The following BMERB1 variants were observed in gnomAD, a reference collection of about 807,000 sequenced individuals.
BMERB1 encodes bMERB domain containing 1.
In BMERB1, 12 loss-of-function variants were observed where a neutral mutation model predicts 23.6. The ratio of observed to expected loss-of-function variants is 0.51; its 90% CI spans 0.33 to 0.82. The LOEUF (loss-of-function observed/expected upper bound fraction) is 0.82, where lower values mean the gene tolerates loss of function less well. Among genes scored for constraint, BMERB1 ranks in the 40% least tolerant of loss-of-function variants. The pLI, the probability that BMERB1 is intolerant of heterozygous loss-of-function variation, is 0.03. For missense variants in BMERB1, 247 were observed against 255.4 expected (o/e 0.97, Z 0.22); for synonymous variants, 122 against 96.6 (o/e 1.26, Z -1.54).
At chr16:15,570,533 A>C (rs2030697430) in intron 3 of BMERB1, among the ~76,000 whole-genome samples, 1 of 152,046 alleles carries the variant, frequency 6.6e-6, no homozygotes, top group Admixed American at 6.5e-5. Context: ...CCATTAGCAC[A>C]ACGTACCTCT....
chr16:15,531,230 T>G (rs1311110629), intron 2 of BMERB1, among the ~76,000 whole-genome samples: 3 of 152,078 alleles, frequency 2.0e-5, no homozygotes, highest in Non-Finnish European at 4.4e-5. Flanking sequence ...CTTTACAAGT[T>G]ACTCCTTCTC....
At chr16:15,493,741 A>G (rs2051445365) in intron 1 of BMERB1, among the ~76,000 whole-genome samples, 1 of 149,346 alleles carries the variant, frequency 6.7e-6, no homozygotes, top group Non-Finnish European at 1.5e-5. Flanking sequence ...ATCCCACCCT[A>G]TTTCTTGGGC....
chr16:15,493,723 G>A (rs1271944175), intron 1 of BMERB1, among the ~76,000 whole-genome samples: 2 of 137,266 alleles, frequency 1.5e-5, no homozygotes, highest in Non-Finnish European at 3.2e-5. Flanking sequence ...TCATTCAGAT[G>A]AGGATATATC....
chr16:15,565,192 A>G (rs1055278044), intron 2 of BMERB1, among the ~76,000 whole-genome samples: 3 of 152,182 alleles, frequency 2.0e-5, no homozygotes, highest in African/African-American at 7.2e-5. Flanking sequence ...ACGCTGAGGA[A>G]CGAGGCAGAA....
intron 2 of BMERB1, among the ~76,000 whole-genome samples, chr16:15,538,770 C>T (rs372327392): frequency 9.2e-5 from 14 of 152,300 alleles, no homozygotes; most frequent in African/African-American, 3.4e-4. Context: ...TCTTTGGTCT[C>T]ATTTAGAGCC....
chr16:15,516,348 G>A (rs2051755270), intron 2 of BMERB1, among the ~76,000 whole-genome samples: 1 of 151,946 alleles, frequency 6.6e-6, no homozygotes, highest in African/African-American at 2.4e-5. Flanking sequence ...TTAGCCCAGG[G>A]GTTCAAGACT....
rs557378901 is a variant in BMERB1 at position 15,558,470 on chromosome 16, T to C, written c.231-9513T>C. On this transcript the variant is annotated intron_variant, in intron 2 of 5. Coordinates refer to ENST00000300006, the MANE Select transcript of BMERB1 (RefSeq NM_033201.3). Reference sequence around the variant, plus strand: ...TGTTTAGAAAATGGCAGCATTAGCATGATCTCGGGGAGTTTTGGGCCCTCT... The same window carrying C: ...TGTTTAGAAAATGGCAGCATTAGCACGATCTCGGGGAGTTTTGGGCCCTCT... 2.6e-5 allele frequency among the ~76,000 whole-genome samples: 4 copies of C among 152,172 alleles called. No homozygotes were observed. In the South Asian group the frequency reaches 8.3e-4, roughly 32 times the overall value.
At chr16:15,506,758 G>C (rs1010343858) in intron 1 of BMERB1, among the ~76,000 whole-genome samples, 1 of 151,496 alleles carries the variant, frequency 6.6e-6, no homozygotes, top group Non-Finnish European at 1.5e-5. Flanking sequence ...TTTCTTCCTT[G>C]CTACCTCTAA....
chr16:15,574,635 A>G (rs1396348292), intron 3 of BMERB1, among the ~76,000 whole-genome samples: 1 of 152,050 alleles, frequency 6.6e-6, no homozygotes, highest in Non-Finnish European at 1.5e-5. Context: ...CAGAAGTTAC[A>G]GGCAAAATTG....
intron 1 of BMERB1, among the ~76,000 whole-genome samples, chr16:15,475,368 T>TG (rs1181157713): frequency 6.6e-6 from 1 of 152,304 alleles, no homozygotes; most frequent in East Asian, 1.9e-4. Flanking sequence ...GCTGCGAGTT[T>TG]GGGGGTCCCC....
chr16:15,586,745 C>T lies in BMERB1; in HGVS notation c.531C>T (p.Pro177=). ...ASSRAEKKAE[P]PPSKPTVAKT... Reference sequence around the variant, plus strand: ...CCCGGGCAGAGAAGAAAGCAGAGCCCCCACCTAGCAAGCCCACGGTGGCCA... The same window carrying T: ...CCCGGGCAGAGAAGAAAGCAGAGCCTCCACCTAGCAAGCCCACGGTGGCCA... The change falls in exon 6 of 6, where the codon CCC becomes CCT. Residue 177 remains proline (P), a synonymous_variant. Transcript: ENST00000300006. 6.2e-7 allele frequency: 1 copy of T among 1,611,936 alleles called. No homozygotes were observed. The highest frequency in any genetic ancestry group is 1.1e-5 in the South Asian group (1 of 90,358).
At chr16:15,451,683 TGAG>T (rs2051043360) in intron 1 of BMERB1, among the ~76,000 whole-genome samples, 1 of 149,506 alleles carries the variant, frequency 6.7e-6, no homozygotes, top group South Asian at 2.1e-4. Flanking sequence ...CTCAGTCTCC[TGAG>T]AAGCTGGGAC....
At chr16:15,529,897 A>G (rs74546709) in intron 2 of BMERB1, among the ~76,000 whole-genome samples, 4,435 of 152,270 alleles carry the variant, frequency 0.029, 204 homozygotes, top group South Asian at 0.11. Context: ...GTGTTAAAAC[A>G]ACACACATTT....
chr16:15,518,154 CTT>C (rs2150953668), intron 2 of BMERB1, among the ~76,000 whole-genome samples: 1 of 152,268 alleles, frequency 6.6e-6, no homozygotes, highest in South Asian at 2.1e-4. Context: ...GCAGTAAGCT[CTT>C]GACTTGTGAT....
intron 3 of BMERB1, 101 bp downstream of exon 3, chr16:15,568,157 C>G: frequency 3.3e-6 from 3 of 920,060 alleles, no homozygotes; most frequent in South Asian, 3.0e-5. Context: ...CTCATTCTTG[C>G]AATGCAGTGC....
chr16:15,508,420 A>G (rs1386505256), intron 1 of BMERB1, among the ~76,000 whole-genome samples: 1 of 133,204 alleles, frequency 7.5e-6, no homozygotes, highest in Non-Finnish European at 1.6e-5. Flanking sequence ...GCCATAAATG[A>G]CATGTAAATG....
chr16:15,463,270 T>TATATATATATATATATATATA (rs2051152108), intron 1 of BMERB1, among the ~76,000 whole-genome samples: 3 of 151,552 alleles, frequency 2.0e-5, no homozygotes, highest in Admixed American at 6.6e-5. Context: ...TATATATATA[T>TATATATATATATATATATATA]TTTGTAGAGG....
chr16:15,587,479 G>C lies in BMERB1; in HGVS notation c.*650G>C, dbSNP rs886939719. The C allele has an allele frequency of 4.8e-6, 2 of 420,028 alleles. No homozygotes were observed. The highest frequency in any genetic ancestry group is 2.0e-5 in the African/African-American group (1 of 48,916). 26.0% of individuals were successfully genotyped at this position (420,028 alleles called of 1,614,324 possible). On this transcript the variant is annotated 3_prime_UTR_variant, in exon 6 of 6. Coordinates refer to ENST00000300006, the MANE Select transcript of BMERB1 (RefSeq NM_033201.3). ...TGGGCACAGTTCACATCAGGACAGCGTCCATTGTGCTCTCAGTCTGCCTCA... is the reference window on the plus strand; with the variant it reads ...TGGGCACAGTTCACATCAGGACAGCCTCCATTGTGCTCTCAGTCTGCCTCA...
At position 15,491,292 on chromosome 16, in the gene BMERB1, A is replaced by G. The variant is rs190122687; in HGVS notation, c.107-24013A>G. Among the ~76,000 whole-genome samples the G allele has an allele frequency of 1.1e-4, 16 of 152,130 alleles. No homozygotes were observed. The South Asian group carries it at 2.1e-3, about 20-fold the overall frequency. ...CTTTGAGGCAGTAGCAGGTCTTCCTATTTCTATACTTGCTCCCTTAGTAGA... is the reference window on the plus strand; with the variant it reads ...CTTTGAGGCAGTAGCAGGTCTTCCTGTTTCTATACTTGCTCCCTTAGTAGA... On this transcript the variant is annotated intron_variant, in intron 1 of 5. Coordinates refer to ENST00000300006, the MANE Select transcript of BMERB1 (RefSeq NM_033201.3).
Sources: allele counts gnomAD v4.1 joint callset (sites outside exome capture counted in the v4.1 genomes callset), GRCh38; gene constraint gnomAD v4.1.1; transcripts MANE v1.5; gene names NCBI Gene and HGNC (gene_info 2026-07-23, HGNC 2026-07-21).